Variants in MACROD2 observed in about 807,000 individuals in gnomAD.
The protein encoded by MACROD2 is ADP-ribose glycohydrolase MACROD2.
In MACROD2, 36 loss-of-function variants were observed where a neutral mutation model predicts 70.4. The observed-to-expected ratio is 0.51, with a 90% CI of 0.39 to 0.68. The LOEUF (loss-of-function observed/expected upper bound fraction) is 0.68, where lower values mean the gene tolerates loss of function less well. MACROD2 is among the 30% of genes least tolerant of loss of function. MACROD2 has a pLI of 0.00. For missense variants in MACROD2, 496 were observed against 538.4 expected (o/e 0.92, Z 0.78); for synonymous variants, 172 against 178.8 (o/e 0.96, Z 0.30).
At chr20:15,649,143 C>CTTTCTTTCT (rs1348176969) in intron 8 of MACROD2, among the ~76,000 whole-genome samples, 3 of 129,834 alleles carry the variant, frequency 2.3e-5, no homozygotes, top group Admixed American at 8.5e-5. Context: ...TTCCCTTCCT[C>CTTTCTTTCT]TTTCTTTCTT....
intron 8 of MACROD2, among the ~76,000 whole-genome samples, chr20:15,675,875 G>A (rs992188234): frequency 8.5e-5 from 13 of 152,098 alleles, no homozygotes; most frequent in African/African-American, 3.1e-4. Flanking sequence ...CATTTTCAGT[G>A]ATCAGGCCAG....
intron 4 of MACROD2, among the ~76,000 whole-genome samples, chr20:14,508,374 T>C (rs909784149): frequency 6.6e-6 from 1 of 152,122 alleles, no homozygotes; most frequent in Non-Finnish European, 1.5e-5. Flanking sequence ...GAAATACCTG[T>C]CAAATTGTTA....
At chr20:14,793,572 G>C (rs958636549) in intron 5 of MACROD2, among the ~76,000 whole-genome samples, 1 of 151,928 alleles carries the variant, frequency 6.6e-6, no homozygotes, top group African/African-American at 2.4e-5. Flanking sequence ...ATAGGGAATC[G>C]ATTATACCGG....
intron 4 of MACROD2, among the ~76,000 whole-genome samples, chr20:14,654,133 A>C (rs1381109858): frequency 1.3e-5 from 2 of 152,162 alleles, no homozygotes; most frequent in Non-Finnish European, 2.9e-5. Flanking sequence ...TAATTTCAGA[A>C]ACATATTTAA....
At chr20:15,785,455 T>G (rs554170915) in intron 8 of MACROD2, among the ~76,000 whole-genome samples, 41 of 152,278 alleles carry the variant, frequency 2.7e-4, no homozygotes, top group African/African-American at 9.9e-4. Context: ...ATCTAAGAAT[T>G]CTTTACATCG....
chr20:14,931,519 G>C (rs6110469), intron 5 of MACROD2, among the ~76,000 whole-genome samples: 1 of 152,046 alleles, frequency 6.6e-6, no homozygotes, highest in Non-Finnish European at 1.5e-5. Flanking sequence ...ATTGCTGTTA[G>C]GTGCATCTGC....
intron 5 of MACROD2, among the ~76,000 whole-genome samples, chr20:15,149,652 G>A (rs142297284): frequency 0.2 from 30,307 of 152,032 alleles, 4,165 homozygotes; most frequent in Non-Finnish European, 0.3. Context: ...GTTGAGCGTA[G>A]TTTGTGATTT....
At chr20:14,325,793 T>G (rs1601480236) in intron 3 of MACROD2, 8 of 1,613,816 alleles carry the variant, frequency 5.0e-6, no homozygotes, top group Non-Finnish European at 6.8e-6. Flanking sequence ...TAGTCATCCT[T>G]TCTTCTCCTC....
chr20:14,704,589 T>G (rs2071245953), intron 5 of MACROD2, among the ~76,000 whole-genome samples: 1 of 152,184 alleles, frequency 6.6e-6, no homozygotes, highest in Non-Finnish European at 1.5e-5. Flanking sequence ...GATATCCACC[T>G]ATTCAAATCC....
chr20:15,131,747 A>G (rs6110525), intron 5 of MACROD2, among the ~76,000 whole-genome samples: 112,017 of 151,814 alleles, frequency 0.74, 41,636 homozygotes, highest in East Asian at 0.99. Flanking sequence ...ACAAATCACC[A>G]AGGGGAAAAC....
intron 6 of MACROD2, among the ~76,000 whole-genome samples, chr20:15,368,755 G>A (rs541123774): frequency 6.6e-6 from 1 of 151,922 alleles, no homozygotes; most frequent in Admixed American, 6.6e-5. Context: ...GAGCCACCAC[G>A]CCCGGCCCAA....
At chr20:14,536,964 T>C (rs17191676) in intron 4 of MACROD2, among the ~76,000 whole-genome samples, 11,553 of 152,178 alleles carry the variant, frequency 0.076, 767 homozygotes, top group East Asian at 0.39. Flanking sequence ...GCATCTTTAT[T>C]ATGCAAGTGC....
chr20:14,549,755 C>T (rs140807394), intron 4 of MACROD2, among the ~76,000 whole-genome samples: 2,143 of 152,124 alleles, frequency 0.014, 58 homozygotes, highest in African/African-American at 0.049. Context: ...AAAAGGAATA[C>T]AATGTGATCT....
chr20:15,227,092 C>G (rs2076913386), intron 5 of MACROD2, among the ~76,000 whole-genome samples: 2 of 152,062 alleles, frequency 1.3e-5, no homozygotes, highest in African/African-American at 4.8e-5. Context: ...AACATTCGAT[C>G]TTGGATGCTA....
At chr20:15,733,047 C>G (rs989086038) in intron 8 of MACROD2, among the ~76,000 whole-genome samples, 7 of 152,100 alleles carry the variant, frequency 4.6e-5, no homozygotes, top group African/African-American at 1.7e-4. Context: ...TGAATTTTGG[C>G]AGAGTATGTT....
At chr20:15,906,392 T>C (rs2065147469) in intron 10 of MACROD2, among the ~76,000 whole-genome samples, 1 of 152,218 alleles carries the variant, frequency 6.6e-6, no homozygotes, top group Non-Finnish European at 1.5e-5. Flanking sequence ...ATAACCTTTT[T>C]TTCCTGAACC....
At chr20:14,216,497 T>TG (rs1045655006) in intron 3 of MACROD2, among the ~76,000 whole-genome samples, 27 of 152,202 alleles carry the variant, frequency 1.8e-4, no homozygotes, top group African/African-American at 6.0e-4. Flanking sequence ...GGCTCTTTTT[T>TG]GGTTTCATAA....
intron 5 of MACROD2, among the ~76,000 whole-genome samples, chr20:15,134,824 G>A (rs938746815): frequency 6.6e-6 from 1 of 151,920 alleles, no homozygotes; most frequent in South Asian, 2.1e-4. Context: ...CCGCTAGCAA[G>A]ACTAATAAAA....
chr20:14,757,582 A>G, intron 5 of MACROD2: 1 of 1,078,112 alleles, frequency 9.3e-7, no homozygotes, highest in East Asian at 2.5e-5. Context: ...CCTAAGAAGA[A>G]CCAGATTGCC....
Sources: gnomAD v4.1 joint callset for allele counts (sites outside exome capture counted in the v4.1 genomes callset) on GRCh38, gnomAD v4.1.1 for gene constraint, MANE v1.5 for transcripts, NCBI Gene and HGNC (gene_info 2026-07-23, HGNC 2026-07-21) for gene names.